Variants in UNC13C observed in about 807,000 individuals in gnomAD.
The protein encoded by UNC13C is protein unc-13 homolog C.
A neutral mutation model predicts 245.4 loss-of-function variants in UNC13C; 174 were observed. That is an observed-to-expected ratio of 0.71 (90% CI 0.63 to 0.80). The LOEUF (loss-of-function observed/expected upper bound fraction) is 0.80, where lower values mean the gene tolerates loss of function less well. Among genes scored for constraint, UNC13C ranks in the 30% least tolerant of loss-of-function variants. The pLI is 0.00. For synonymous variants in UNC13C, 992 were observed against 895.1 expected, an observed-to-expected ratio of 1.11 and a Z score of -1.93; for missense variants, 2,829 against 2,602.9, an observed-to-expected ratio of 1.09 and a Z score of -1.89.
chr15:54,273,776 C>A (rs1251903857), intron 10 of UNC13C, among the ~76,000 whole-genome samples: 1 of 152,138 alleles, frequency 6.6e-6, no homozygotes, highest in Non-Finnish European at 1.5e-5. Flanking sequence ...CAATCTATCT[C>A]TACTTGGTTC....
intron 2 of UNC13C, among the ~76,000 whole-genome samples, chr15:54,058,700 C>A (rs1413464273): frequency 6.6e-6 from 1 of 152,088 alleles, no homozygotes; most frequent in Non-Finnish European, 1.5e-5. Context: ...AACTTTGATG[C>A]AAAAATCCTC....
At chr15:53,923,638 T>C in the UNC13C span, among the ~76,000 whole-genome samples, 1 of 152,212 alleles carries the variant, frequency 6.6e-6, no homozygotes, top group South Asian at 2.1e-4. Context: ...AAATCATTTA[T>C]TTAGAGCTGC....
In UNC13C at chr15:54,212,371, A is replaced by G. The variant is rs145181340; in HGVS notation, c.3072-22659A>G. 4.6e-3 allele frequency among the ~76,000 whole-genome samples: 696 copies of G among 152,212 alleles called. 8 individuals carry two copies. Among genetic ancestry groups the G allele is most frequent in the African/African-American group, 0.016 (668 of 41,558 alleles). On this transcript the variant is annotated intron_variant, in intron 4 of 32. Coordinates refer to ENST00000260323, the MANE Select transcript of UNC13C (RefSeq NM_001080534.3). ...AACATGCCTGATTTTAAGTGACTCT[A>G]CTTACATTCTACTGTTCAGATGATT...
intron 4 of UNC13C, among the ~76,000 whole-genome samples, chr15:54,176,952 C>A (rs10083589): frequency 0.053 from 8,039 of 151,908 alleles, 263 homozygotes; most frequent in East Asian, 0.098. Flanking sequence ...ATGGGAACAC[C>A]AGTAGCATTG....
At chr15:54,171,134 C>T (rs996891839) in intron 4 of UNC13C, among the ~76,000 whole-genome samples, 1 of 152,124 alleles carries the variant, frequency 6.6e-6, no homozygotes, top group Non-Finnish European at 1.5e-5. Context: ...TAAACATTCC[C>T]TTATGTCTCT....
At chr15:54,134,960 G>A (rs2031656010) in intron 2 of UNC13C, among the ~76,000 whole-genome samples, 1 of 151,958 alleles carries the variant, frequency 6.6e-6, no homozygotes, top group Non-Finnish European at 1.5e-5. Context: ...TCCTTTTTGT[G>A]CATGCCATTA....
chr15:54,143,746 A>C, intron 4 of UNC13C, 62 bp downstream of exon 4: 152 of 1,293,990 alleles, frequency 1.2e-4, no homozygotes, highest in Non-Finnish European at 1.5e-4. Flanking sequence ...CTGTGTTCTC[A>C]ACATATATGC....
chr15:54,060,117 G>C (rs1404454573), intron 2 of UNC13C, among the ~76,000 whole-genome samples: 3 of 148,252 alleles, frequency 2.0e-5, no homozygotes, highest in Non-Finnish European at 3.0e-5. Context: ...ATTGACAGAT[G>C]GGATCTAGTT....
chr15:54,221,698 A>G (rs1289476540), intron 4 of UNC13C, among the ~76,000 whole-genome samples: 3 of 152,042 alleles, frequency 2.0e-5, no homozygotes, highest in African/African-American at 7.2e-5. Flanking sequence ...CCTATCGAAC[A>G]ATTGTTTTGG....
intron 4 of UNC13C, among the ~76,000 whole-genome samples, chr15:54,161,628 G>C (rs1264331718): frequency 6.6e-6 from 1 of 152,004 alleles, no homozygotes; most frequent in Non-Finnish European, 1.5e-5. Context: ...ATTAGATACA[G>C]TAAGCCTTTT....
intron 4 of UNC13C, among the ~76,000 whole-genome samples, chr15:54,204,414 G>A (rs1025905852): frequency 1.3e-5 from 2 of 151,400 alleles, no homozygotes; most frequent in African/African-American, 4.8e-5. Context: ...GTAGTATAAG[G>A]GCTGTAGGCA....
chr15:54,243,186 C>T (rs1251285263), intron 7 of UNC13C, among the ~76,000 whole-genome samples: 1 of 149,974 alleles, frequency 6.7e-6, no homozygotes, highest in African/African-American at 2.5e-5. Context: ...GCCGCATGTC[C>T]ACGTGTTCTC....
At chr15:54,103,416 T>C (rs561083301) in intron 2 of UNC13C, among the ~76,000 whole-genome samples, 81 of 152,348 alleles carry the variant, frequency 5.3e-4, no homozygotes, top group African/African-American at 1.9e-3. Context: ...GAATAATATT[T>C]CTTCTAAGAC....
intron 10 of UNC13C, among the ~76,000 whole-genome samples, chr15:54,268,850 G>A (rs2036613597): frequency 6.6e-6 from 1 of 151,896 alleles, no homozygotes; most frequent in Non-Finnish European, 1.5e-5. Flanking sequence ...TTCTTTATGT[G>A]CATGCACTTA....
intron 1 of UNC13C, among the ~76,000 whole-genome samples, chr15:53,991,926 G>C (rs915368072): frequency 4.6e-5 from 7 of 151,992 alleles, no homozygotes; most frequent in Non-Finnish European, 4.4e-5. Flanking sequence ...TTATCTCACT[G>C]GTGAATGGTG....
chr15:54,314,344 T>C (rs1036710933), intron 13 of UNC13C, among the ~76,000 whole-genome samples: 10 of 151,866 alleles, frequency 6.6e-5, no homozygotes, highest in African/African-American at 2.4e-4. Context: ...AGTGCAAATG[T>C]TAATTAGCTT....
At chr15:54,003,603 A>T (rs887432795) in intron 1 of UNC13C, among the ~76,000 whole-genome samples, 1 of 152,246 alleles carries the variant, frequency 6.6e-6, no homozygotes, top group African/African-American at 2.4e-5. Flanking sequence ...TGATACAGAC[A>T]TGCAATGTGT....
chr15:54,084,662 C>T lies in UNC13C; in HGVS notation c.2984-58356C>T, dbSNP rs185058974. On this transcript the variant is annotated intron_variant, in intron 2 of 32. Transcript: ENST00000260323. ...ACTTTAGTTGTATATTATAAATATTCAATAAGAAAGTATACATAAAAACAT... is the reference window on the plus strand; with the variant it reads ...ACTTTAGTTGTATATTATAAATATTTAATAAGAAAGTATACATAAAAACAT... 2.0e-3 allele frequency among the ~76,000 whole-genome samples: 304 copies of T among 152,066 alleles called. 4 individuals carry two copies. Among genetic ancestry groups the T allele is most frequent in the Admixed American group, 0.018 (269 of 15,268 alleles).
chr15:53,969,940 A>C, the UNC13C span, among the ~76,000 whole-genome samples: 1 of 152,104 alleles, frequency 6.6e-6, no homozygotes, highest in African/African-American at 2.4e-5. Flanking sequence ...TAGATATCTA[A>C]AATAACTAGA....
Sources: allele counts gnomAD v4.1 joint callset (sites outside exome capture counted in the v4.1 genomes callset), GRCh38; gene constraint gnomAD v4.1.1; transcripts MANE v1.5; gene names NCBI Gene and HGNC (gene_info 2026-07-23, HGNC 2026-07-21).